ACTR3C: variants seen among roughly 807,000 people sequenced by gnomAD.
ACTR3C encodes the protein actin-related protein 3C.
A neutral mutation model predicts 26.3 loss-of-function variants in ACTR3C; 18 were observed. The observed-to-expected ratio is 0.68, with a 90% confidence interval of 0.47 to 1.01. The LOEUF (loss-of-function observed/expected upper bound fraction) is 1.01, where lower values mean the gene tolerates loss of function less well. Ranked by LOEUF, ACTR3C falls within the 50% of genes least tolerant of loss-of-function variation. ACTR3C has a pLI of 0.00. For missense variants in ACTR3C, 184 were observed against 250.7 expected (o/e 0.73, Z 1.80); for synonymous variants, 55 against 94.5 (o/e 0.58, Z 2.42).
intron 6 of ACTR3C, among the ~76,000 whole-genome samples, chr7:150,271,521 T>G (rs569776827): frequency 6.6e-6 from 1 of 150,596 alleles, no homozygotes; most frequent in Admixed American, 6.6e-5. Context: ...GAACTCATCC[T>G]TTTTTATGGC....
the ACTR3C span, among the ~76,000 whole-genome samples, chr7:150,149,226 T>C: frequency 2.1e-3 from 322 of 151,556 alleles, 1 homozygote; most frequent in African/African-American, 7.5e-3. Flanking sequence ...ATTTGTAGTA[T>C]ATTTTAGGTA....
intron 6 of ACTR3C, among the ~76,000 whole-genome samples, chr7:150,280,313 A>T (rs1281344694): frequency 2.6e-5 from 4 of 151,982 alleles, no homozygotes; most frequent in Non-Finnish European, 5.9e-5. Flanking sequence ...CGCAGGCCCC[A>T]CCCCTGTCAT....
At chr7:150,155,302 C>G in the ACTR3C span, among the ~76,000 whole-genome samples, 1 of 152,050 alleles carries the variant, frequency 6.6e-6, no homozygotes, top group Non-Finnish European at 1.5e-5. Flanking sequence ...CCTCTGATCT[C>G]AACTGCCACT....
At chr7:150,111,145 C>G in the ACTR3C span, among the ~76,000 whole-genome samples, 3 of 142,388 alleles carry the variant, frequency 2.1e-5, no homozygotes, top group African/African-American at 8.2e-5. Flanking sequence ...CAGACTCTCT[C>G]AAGCTCATTC....
chr7:150,033,847 CG>C, the ACTR3C span, among the ~76,000 whole-genome samples: 6 of 151,600 alleles, frequency 4.0e-5, no homozygotes, highest in African/African-American at 4.8e-5. Context: ...GGGGTGCCTC[CG>C]CCCCCAGCGA....
At chr7:150,175,745 G>A in the ACTR3C span, among the ~76,000 whole-genome samples, 1 of 145,336 alleles carries the variant, frequency 6.9e-6, no homozygotes, top group Admixed American at 6.8e-5. Context: ...CACCTGGGAA[G>A]CGGAGGTTGC....
At chr7:150,286,214 C>T (rs1835756635) in intron 5 of ACTR3C, among the ~76,000 whole-genome samples, 153 bp downstream of exon 5, 1 of 151,512 alleles carries the variant, frequency 6.6e-6, no homozygotes, top group African/African-American at 2.4e-5. Flanking sequence ...ACTGAACAAT[C>T]TGTCAAGCAG....
chr7:149,922,970 C>CTTTTTTT, the ACTR3C span, among the ~76,000 whole-genome samples: 296 of 69,142 alleles, frequency 4.3e-3, 41 homozygotes, highest in Non-Finnish European at 5.3e-3. Flanking sequence ...AAATAAAAGG[C>CTTTTTTT]TTTTTTTTTT....
the ACTR3C span, among the ~76,000 whole-genome samples, chr7:150,015,970 C>A: frequency 6.6e-6 from 1 of 151,654 alleles, no homozygotes; most frequent in East Asian, 1.9e-4. Context: ...AGTGAATCCA[C>A]CCTGGAGGCC....
chr7:150,161,214 A>ATTTTTTTTTTTTTTTT, the ACTR3C span, among the ~76,000 whole-genome samples: 1 of 127,776 alleles, frequency 7.8e-6, no homozygotes, highest in African/African-American at 3.4e-5. Flanking sequence ...ATATATATAT[A>ATTTTTTTTTTTTTTTT]TATATATATA....
chr7:150,322,945 T>A (rs991569908), intron 1 of ACTR3C: 1 of 152,262 alleles, frequency 6.6e-6, no homozygotes, highest in Non-Finnish European at 1.5e-5. Context: ...GCGGACGAGG[T>A]CCGGGTCGCA....
chr7:150,124,224 T>A, the ACTR3C span, among the ~76,000 whole-genome samples: 7 of 152,232 alleles, frequency 4.6e-5, no homozygotes, highest in African/African-American at 1.7e-4. Flanking sequence ...ACTATAACAC[T>A]ATTTCTCAGT....
chr7:150,038,816 T>C, the ACTR3C span, among the ~76,000 whole-genome samples: 109 of 124,070 alleles, frequency 8.8e-4, 1 homozygote, highest in Middle Eastern at 0.015. Context: ...GCCTCCCCCC[T>C]CTGCGATGGG....
chr7:149,969,116 C>A, the ACTR3C span, among the ~76,000 whole-genome samples: 10 of 152,178 alleles, frequency 6.6e-5, no homozygotes, highest in African/African-American at 2.4e-4. Flanking sequence ...GACATCAGAG[C>A]TGGAAAGCAG....
the ACTR3C span, among the ~76,000 whole-genome samples, chr7:149,976,479 C>A: frequency 6.7e-6 from 1 of 149,930 alleles, no homozygotes; most frequent in Non-Finnish European, 1.5e-5. Flanking sequence ...GAGGCTGAGG[C>A]GGGAGAATGG....
At chr7:150,088,662 TA>T in the ACTR3C span, among the ~76,000 whole-genome samples, 1 of 152,232 alleles carries the variant, frequency 6.6e-6, no homozygotes, top group African/African-American at 2.4e-5. Context: ...TGCTTAGTGA[TA>T]GGTGTTTTTG....
chr7:150,285,493 GGA>G (rs1179538000), intron 5 of ACTR3C, among the ~76,000 whole-genome samples: 1 of 152,168 alleles, frequency 6.6e-6, no homozygotes, highest in Admixed American at 6.5e-5. Context: ...AGAGGAAGGA[GGA>G]GGATATTCAG....
chr7:150,073,105 T>G, the ACTR3C span, among the ~76,000 whole-genome samples: 1 of 152,114 alleles, frequency 6.6e-6, no homozygotes, highest in Admixed American at 6.5e-5. Flanking sequence ...GTGGGGACTT[T>G]GGGAGTGATT....
the ACTR3C span, among the ~76,000 whole-genome samples, chr7:150,107,009 G>C: frequency 6.9e-6 from 1 of 144,870 alleles, no homozygotes; most frequent in Non-Finnish European, 1.5e-5. Context: ...TCTGGAACCA[G>C]AACTCACACC....
Sources: gnomAD v4.1 joint callset for allele counts (sites outside exome capture counted in the v4.1 genomes callset) on GRCh38, gnomAD v4.1.1 for gene constraint, MANE v1.5 for transcripts, NCBI Gene and HGNC (gene_info 2026-07-23, HGNC 2026-07-21) for gene names.